Variants in KCNJ6 observed in about 807,000 individuals in gnomAD.
KCNJ6 encodes potassium inwardly rectifying channel subfamily J member 6, also known as G protein-activated inward rectifier potassium channel 2.
KCNJ6 carries 9 observed loss-of-function variants against 34.2 expected under a neutral mutation model. The ratio of observed to expected loss-of-function variants is 0.26; its 90% CI spans 0.16 to 0.46. The LOEUF (loss-of-function observed/expected upper bound fraction) is 0.46, where lower values mean the gene tolerates loss of function less well. Among genes scored for constraint, KCNJ6 ranks in the 20% least tolerant of loss-of-function variants. The pLI is 1.00. For synonymous variants in KCNJ6, 196 were observed against 207.1 expected, an observed-to-expected ratio of 0.95 and a Z score of 0.46; for missense variants, 236 against 531.3, an observed-to-expected ratio of 0.44 and a Z score of 5.46.
At chr21:37,849,350 C>A (rs559922367) in intron 1 of KCNJ6, among the ~76,000 whole-genome samples, 1 of 152,298 alleles carries the variant, frequency 6.6e-6, no homozygotes, top group East Asian at 1.9e-4. Flanking sequence ...GGTGATCTTC[C>A]AGACATCCTA....
chr21:37,639,608 GA>G (rs913104136), intron 3 of KCNJ6, among the ~76,000 whole-genome samples: 54 of 152,290 alleles, frequency 3.5e-4, no homozygotes, highest in African/African-American at 1.3e-3. Flanking sequence ...GACATATTCA[GA>G]AAAGTCTCAT....
chr21:37,607,482 A>ATATATATATTTTT lies in KCNJ6; in HGVS notation c.*17676_*17677insAAAAATATATATA. 263 of 136,726 alleles carry ATATATATATTTTT rather than the reference A, an allele frequency of 1.9e-3. 1 individual carries two copies. Among genetic ancestry groups the ATATATATATTTTT allele is most frequent in the African/African-American group, 4.7e-3 (173 of 36,458 alleles). The allele number at this position is 136,726 out of a possible 1,614,324, so 8.5% of individuals were successfully genotyped here. A position where few individuals can be genotyped will look rare whatever the true frequency, so the allele number is the denominator to read the frequency against. On this transcript the variant is annotated 3_prime_UTR_variant, in exon 4 of 4. Transcript: ENST00000609713. ...CTTAAAGATATATATATATATATAT[A>ATATATATATTTTT]TTTTTTTTTTATTTTAAAAAAATTT... is the stretch of plus-strand genomic sequence containing the variant.
Position 37,860,570 on chromosome 21 carries a change from G to A in KCNJ6, c.-27-19861C>T, listed in dbSNP as rs962060818. On this transcript the variant is annotated intron_variant, in intron 1 of 3. Transcript: ENST00000609713. ...TAAGATCTAAGCTTCAGGTGGCATG[G>A]AGTTCCTGCAGGATCTGTCCCTAGG... is the stretch of plus-strand genomic sequence containing the variant. Among the ~76,000 whole-genome samples the A allele has an allele frequency of 2.6e-5, 4 of 152,254 alleles. No homozygotes were observed. In the South Asian group the frequency reaches 8.3e-4, roughly 32 times the overall value.
intron 3 of KCNJ6, among the ~76,000 whole-genome samples, chr21:37,627,180 T>C (rs1375452276): frequency 6.6e-6 from 1 of 152,224 alleles, no homozygotes; most frequent in Non-Finnish European, 1.5e-5. Flanking sequence ...GGGACCTATG[T>C]GGTTGACTCA....
At chr21:37,645,401 C>A (rs1366337977) in intron 3 of KCNJ6, among the ~76,000 whole-genome samples, 2 of 151,946 alleles carry the variant, frequency 1.3e-5, no homozygotes, top group Non-Finnish European at 2.9e-5. Context: ...AACAAAAAAA[C>A]CAAACAAGCT....
At chr21:37,840,196 C>T (rs2055473366) in intron 2 of KCNJ6, among the ~76,000 whole-genome samples, 1 of 152,224 alleles carries the variant, frequency 6.6e-6, no homozygotes, top group Non-Finnish European at 1.5e-5. Flanking sequence ...GCTATTTATA[C>T]TGCAAGCACT....
intron 1 of KCNJ6, among the ~76,000 whole-genome samples, chr21:37,882,735 C>T (rs2055715728): frequency 6.6e-6 from 1 of 152,198 alleles, no homozygotes; most frequent in Non-Finnish European, 1.5e-5. Context: ...CCATGCCCAG[C>T]ATCCTATTGC....
At chr21:37,875,061 T>C (rs2055670961) in intron 1 of KCNJ6, among the ~76,000 whole-genome samples, 2 of 152,302 alleles carry the variant, frequency 1.3e-5, no homozygotes, top group Admixed American at 1.3e-4. Context: ...TTCCGACGAT[T>C]GGCGAGGTCC....
intron 3 of KCNJ6, among the ~76,000 whole-genome samples, chr21:37,713,304 A>G (rs2054772369): frequency 6.6e-6 from 1 of 151,612 alleles, no homozygotes; most frequent in African/African-American, 2.4e-5. Context: ...ATCAGGAAAA[A>G]GGACCCCAAA....
At chr21:37,687,485 C>A (rs886530751) in intron 3 of KCNJ6, among the ~76,000 whole-genome samples, 1 of 152,146 alleles carries the variant, frequency 6.6e-6, no homozygotes, top group Non-Finnish European at 1.5e-5. Flanking sequence ...CAATGCAGAC[C>A]TGGCCTCAGG....
At chr21:37,661,614 GTTTTTT>G (rs59026391) in intron 3 of KCNJ6, among the ~76,000 whole-genome samples, 6 of 71,168 alleles carry the variant, frequency 8.4e-5, no homozygotes, top group African/African-American at 1.6e-4. Context: ...AAGAGACATA[GTTTTTT>G]TTTTTTTTTT....
intron 2 of KCNJ6, among the ~76,000 whole-genome samples, chr21:37,767,610 C>T (rs139741958): frequency 5.5e-4 from 84 of 152,150 alleles, no homozygotes; most frequent in African/African-American, 1.9e-3. Context: ...GTCAATACTG[C>T]GGAAGCTGAG....
In KCNJ6 at chr21:37,870,231, C is replaced by G. The variant is rs894437516; in HGVS notation, c.-27-29522G>C. ...CCCACCCACCCCCGCCCCCACCCCC[C>G]GGCCCCAGCCACCTGGCCTGCTGAA... On this transcript the variant is annotated intron_variant, in intron 1 of 3. Coordinates refer to ENST00000609713, the MANE Select transcript of KCNJ6 (RefSeq NM_002240.5). Among the ~76,000 whole-genome samples, 5 of 146,606 alleles carry G rather than the reference C, an allele frequency of 3.4e-5. No individual in the cohort carries two copies. In the South Asian group the frequency reaches 1.1e-3, roughly 32 times the overall value.
intron 2 of KCNJ6, among the ~76,000 whole-genome samples, chr21:37,781,113 C>T (rs1369549267): frequency 6.6e-6 from 1 of 152,168 alleles, no homozygotes; most frequent in East Asian, 1.9e-4. Flanking sequence ...ATCAGTCAGG[C>T]TAGAACAGCA....
In KCNJ6 at chr21:37,617,892, C is replaced by T. The variant is rs1443071366; in HGVS notation, c.*7267G>A. 6.6e-6 allele frequency: 1 copy of T among 152,236 alleles called. No individual in the cohort carries two copies. The highest frequency in any genetic ancestry group is 2.4e-5 in the African/African-American group (1 of 41,440). The allele number at this position is 152,236 out of a possible 1,614,324, so 9.4% of individuals were successfully genotyped here. ...TCATCATTCCTGACCCAGGGAGGTGCTCTGTGGGGTCAAGGGTGTGGGGCA... is the reference window on the plus strand; with the variant it reads ...TCATCATTCCTGACCCAGGGAGGTGTTCTGTGGGGTCAAGGGTGTGGGGCA... On this transcript the variant is annotated 3_prime_UTR_variant, in exon 4 of 4. Transcript: ENST00000609713.
intron 3 of KCNJ6, among the ~76,000 whole-genome samples, chr21:37,691,282 A>T (rs2054638619): frequency 6.6e-6 from 1 of 152,188 alleles, no homozygotes; most frequent in Non-Finnish European, 1.5e-5. Flanking sequence ...GGCCTCTGTC[A>T]GGACCTCTAA....
At position 37,836,912 on chromosome 21, in the gene KCNJ6, T is replaced by C. The variant is rs141568383; in HGVS notation, c.25+3746A>G. Among the ~76,000 whole-genome samples, 392 of 152,190 alleles carry C rather than the reference T, an allele frequency of 2.6e-3. 2 individuals are homozygous for C. The highest frequency in any genetic ancestry group is 4.9e-3 in the Non-Finnish European group (331 of 67,992). On this transcript the variant is annotated intron_variant, in intron 2 of 3. Coordinates refer to ENST00000609713, the MANE Select transcript of KCNJ6 (RefSeq NM_002240.5). ...ATATATAAAAAAAGATTTAAAAAAA[T>C]TGGCAGCCTTTGGAAGGTTGAAAGT...
chr21:37,895,035 G>A (rs779998489), intron 1 of KCNJ6, among the ~76,000 whole-genome samples: 1 of 152,174 alleles, frequency 6.6e-6, no homozygotes, highest in Non-Finnish European at 1.5e-5. Flanking sequence ...AGCCTCCTGA[G>A]TAGCTGACAT....
At chr21:37,696,610 T>C (rs2054664698) in intron 3 of KCNJ6, among the ~76,000 whole-genome samples, 1 of 152,098 alleles carries the variant, frequency 6.6e-6, no homozygotes, top group African/African-American at 2.4e-5. Context: ...TCCTAGAATA[T>C]AAGAAGAAAT....
Sources: allele counts gnomAD v4.1 joint callset (sites outside exome capture counted in the v4.1 genomes callset), GRCh38; gene constraint gnomAD v4.1.1; transcripts MANE v1.5; gene names NCBI Gene and HGNC (gene_info 2026-07-23, HGNC 2026-07-21).